Variants in PCDHGB2 observed in about 807,000 individuals in gnomAD.
PCDHGB2 encodes the protein protocadherin gamma subfamily B, 2.
A neutral mutation model predicts 59.3 loss-of-function variants in PCDHGB2; 55 were observed. That is an observed-to-expected ratio of 0.93 (90% CI 0.75 to 1.16). The LOEUF is 1.16. Among genes scored for constraint, PCDHGB2 ranks in the 50% most tolerant of loss-of-function variants. PCDHGB2 has a pLI of 0.00. For missense variants in PCDHGB2, 1,228 were observed against 1,198.5 expected, an observed-to-expected ratio of 1.02 and a Z score of -0.36; for synonymous variants, 516 against 512.0, an observed-to-expected ratio of 1.01 and a Z score of -0.11.
chr5:141,364,378 C>T (rs1453338344), intron 1 of PCDHGB2: 2 of 1,578,948 alleles, frequency 1.3e-6, no homozygotes, highest in Admixed American at 1.9e-5. Context: ...TGCTGCTGCC[C>T]TTCATGCTCC....
intron 2 of PCDHGB2, among the ~76,000 whole-genome samples, chr5:141,495,834 C>T (rs1366861675): frequency 6.6e-6 from 1 of 152,198 alleles, no homozygotes; most frequent in African/African-American, 2.4e-5. Context: ...CTATCCCCAG[C>T]CTCTATGTTT....
chr5:141,391,359 C>T (rs2092363338), intron 1 of PCDHGB2: 1 of 149,724 alleles, frequency 6.7e-6, no homozygotes, highest in African/African-American at 2.5e-5. Flanking sequence ...GTTACTCAGG[C>T]TGTAGTGCAG....
chr5:141,445,623 A>G (rs2098472971), intron 1 of PCDHGB2, among the ~76,000 whole-genome samples: 1 of 152,172 alleles, frequency 6.6e-6, no homozygotes, highest in South Asian at 2.1e-4. Flanking sequence ...TTTTTTTCGG[A>G]AAGTGATATT....
intron 1 of PCDHGB2, among the ~76,000 whole-genome samples, chr5:141,469,600 T>C (rs1276702104): frequency 6.6e-6 from 1 of 151,974 alleles, no homozygotes; most frequent in Non-Finnish European, 1.5e-5. Flanking sequence ...TAAAACAAAA[T>C]AAGTAAAATA....
At chr5:141,387,706 C>T in intron 1 of PCDHGB2, 1 of 992,322 alleles carries the variant, frequency 1.0e-6, no homozygotes. Flanking sequence ...CCAGGGCAGC[C>T]CCAGCTCAGA....
intron 1 of PCDHGB2, chr5:141,376,920 C>T (rs527270477): frequency 5.8e-6 from 1 of 173,470 alleles, no homozygotes; most frequent in Admixed American, 5.6e-5. Flanking sequence ...ATCTCCTGAC[C>T]TCATGATCCA....
rs765586654 is a variant in PCDHGB2 at position 141,421,994 on chromosome 5, T to C, written c.2421+59438T>C. 8 of 1,608,922 alleles carry C rather than the reference T, an allele frequency of 5.0e-6. No homozygotes were observed. In the African/African-American group the frequency reaches 5.4e-5, roughly 11 times the overall value. On this transcript the variant is annotated intron_variant, in intron 1 of 3. Coordinates refer to ENST00000522605, the MANE Select transcript of PCDHGB2 (RefSeq NM_018923.3). ...TATCGCGTGAGTGTTCCAGAAAACA[T>C]CAGCTCCGGAACTCGGGTGCTGATG...
chr5:141,396,492 C>G (rs970666488), intron 1 of PCDHGB2: 1 of 151,944 alleles, frequency 6.6e-6, no homozygotes, highest in Non-Finnish European at 1.5e-5. Context: ...TGGTGGCATG[C>G]GCCTGTGGTC....
chr5:141,478,870 GT>G, intron 1 of PCDHGB2: 1 of 1,273,360 alleles, frequency 7.9e-7, no homozygotes, highest in Non-Finnish European at 1.0e-6. Context: ...AGCGATCAGA[GT>G]TTAGCTTGGT....
chr5:141,364,405 G>T, intron 1 of PCDHGB2: 1 of 1,609,906 alleles, frequency 6.2e-7, no homozygotes, highest in Non-Finnish European at 8.5e-7. Flanking sequence ...CGCTGTGCGA[G>T]CCAGGATCCG....
chr5:141,366,357 G>A, intron 1 of PCDHGB2: 1 of 1,614,020 alleles, frequency 6.2e-7, no homozygotes, highest in Non-Finnish European at 8.5e-7. Flanking sequence ...GCTGACCTAG[G>A]CAGTATCAAG....
Position 141,374,021 on chromosome 5 carries a change from C to G in PCDHGB2, c.2421+11465C>G. 3 of 1,406,168 alleles carry G rather than the reference C, an allele frequency of 2.1e-6. No homozygotes were observed. In the South Asian group the frequency reaches 5.2e-5, roughly 24 times the overall value. The allele number at this position is 1,406,168 out of a possible 1,614,324, so 87.1% of individuals were successfully genotyped here. The stretch of plus-strand genomic sequence containing the variant: ...CCTTCACCGCTATTTCTGAGAAGAG[C>G]AAAAGTGATGCAGATCTGTTCTTCC... On this transcript the variant is annotated intron_variant, in intron 1 of 3. Transcript: ENST00000522605.
chr5:141,427,370 G>A (rs915167509), intron 1 of PCDHGB2: 17 of 457,836 alleles, frequency 3.7e-5, no homozygotes, highest in African/African-American at 2.4e-4. Flanking sequence ...AACCCTGGAC[G>A]GTGATCACTC....
chr5:141,482,350 G>A lies in PCDHGB2; in HGVS notation c.2422-12457G>A, dbSNP rs184055854. ...AGAATATCTACTTTGCAAACTTGTT[G>A]TGAGAGTGAAAAGTAATGCATATAA... On this transcript the variant is annotated intron_variant, in intron 1 of 3. Coordinates refer to ENST00000522605, the MANE Select transcript of PCDHGB2 (RefSeq NM_018923.3). Among the ~76,000 whole-genome samples the A allele has an allele frequency of 5.3e-5, 8 of 152,200 alleles. No individual in the cohort carries two copies. In the East Asian group the frequency reaches 1.4e-3, roughly 26 times the overall value.
At chr5:141,395,485 T>C (rs2093239128) in intron 1 of PCDHGB2, 2 of 522,170 alleles carry the variant, frequency 3.8e-6, no homozygotes, top group Non-Finnish European at 6.6e-6. Context: ...TTATTCCTAT[T>C]ATCACTCATT....
In PCDHGB2 at chr5:141,491,091, A is replaced by T; in HGVS notation, c.2422-3716A>T. ...TGTTGCCACAGTCCACAGCCCCAGG[A>T]CTGTTCCTCGTGTCTACACACACTG... On this transcript the variant is annotated intron_variant, in intron 1 of 3. Transcript: ENST00000522605. This position sits in a 1 kb window ranked among gnomAD's most constrained non-coding sequence, Gnocchi z 6.9. The T allele has an allele frequency of 6.2e-7, 1 of 1,614,032 alleles. No individual in the cohort carries two copies. Among genetic ancestry groups the T allele is most frequent in the Non-Finnish European group, 8.5e-7 (1 of 1,180,000 alleles).
chr5:141,407,591 C>T (rs878883569), intron 1 of PCDHGB2, among the ~76,000 whole-genome samples: 1 of 151,680 alleles, frequency 6.6e-6, no homozygotes, highest in Non-Finnish European at 1.5e-5. Flanking sequence ...CTTAATGTCT[C>T]ATCTTAAAAA....
In PCDHGB2 at chr5:141,388,566, A is replaced by T. The variant is rs145399301; in HGVS notation, c.2421+26010A>T. ...TCCACCCCTAAGCAGCACTGCACAGATACACGTTCTAGTGACTGATGCCAA... is the reference window on the plus strand; with the variant it reads ...TCCACCCCTAAGCAGCACTGCACAGTTACACGTTCTAGTGACTGATGCCAA... On this transcript the variant is annotated intron_variant, in intron 1 of 3. Transcript: ENST00000522605. 134 of 1,613,852 alleles carry T rather than the reference A, an allele frequency of 8.3e-5. No homozygotes were observed. The East Asian group carries it at 2.4e-3, about 29-fold the overall frequency.
In PCDHGB2 at chr5:141,476,327, G is replaced by A. The variant is rs2099389169; in HGVS notation, c.2422-18480G>A. The A allele has an allele frequency of 1.2e-6, 2 of 1,614,192 alleles. No individual in the cohort carries two copies. Among genetic ancestry groups the A allele is most frequent in the African/African-American group, 1.3e-5 (1 of 75,046 alleles). On this transcript the variant is annotated intron_variant, in intron 1 of 3. Transcript: ENST00000522605. The surrounding 1 kb of genome is among the most constrained non-coding windows in gnomAD (Gnocchi z 7.6). ...AGCCCGCAGGTTCCGGGTGGTGTCT[G>A]GAGCTAGCCGAAGATTCTTTGAGGT...
Sources: gnomAD v4.1 joint callset for allele counts (sites outside exome capture counted in the v4.1 genomes callset) on GRCh38, gnomAD v4.1.1 for gene constraint, Gnocchi (gnomAD v3.1) non-coding constraint, MANE v1.5 for transcripts, NCBI Gene and HGNC (gene_info 2026-07-23, HGNC 2026-07-21) for gene names.